KNDC1: variants seen among roughly 807,000 people sequenced by gnomAD.
The protein encoded by KNDC1 is kinase non-catalytic C-lobe domain containing 1.
In KNDC1, 106 loss-of-function variants were observed where a neutral mutation model predicts 172.8. The ratio of observed to expected loss-of-function variants is 0.61; its 90% CI spans 0.52 to 0.72. KNDC1 has a LOEUF of 0.72. Ranked by LOEUF, KNDC1 falls within the 30% of genes least tolerant of loss-of-function variation. The pLI, the probability that KNDC1 is intolerant of heterozygous loss-of-function variation, is 0.00. For synonymous variants in KNDC1, 1,083 were observed against 1,062.2 expected (o/e 1.02, Z -0.38); for missense variants, 2,325 against 2,394.5 (o/e 0.97, Z 0.61).
rs750330901 is a variant in KNDC1 at position 133,199,027 on chromosome 10, C to T, written c.2519C>T (p.Pro840Leu). 101 of 1,575,282 alleles carry T rather than the reference C, an allele frequency of 6.4e-5. No individual in the cohort carries two copies. Among genetic ancestry groups the T allele is most frequent in the African/African-American group, 2.8e-4 (21 of 74,036 alleles). Residue 840 changes from proline to leucine, a missense_variant, in exon 14 of 30, where the codon CCG becomes CTG. Pro to Leu is a moderately conservative substitution (Grantham distance 98, BLOSUM62 -3). Coordinates refer to ENST00000304613, the MANE Select transcript of KNDC1 (RefSeq NM_152643.8). ...KPPRSKATERPGQEPEGPGAT... is the reference protein window; with the variant it reads ...KPPRSKATERLGQEPEGPGAT... Reference sequence around the variant, plus strand: ...CCACGAAGCAAGGCCACCGAGCGCCCGGGCCAGGAGCCAGAGGGCCCCGGG... The same window carrying T: ...CCACGAAGCAAGGCCACCGAGCGCCTGGGCCAGGAGCCAGAGGGCCCCGGG...
In KNDC1 at chr10:133,188,610, C is replaced by T. The variant is rs761006147; in HGVS notation, c.1398C>T (p.Cys466=). ...GGGAGTACGAGCTGTGGGCCCTGTG[C>T]CTGGCCTGCCTCCGCGCACTGCAGA... ...PFREYELWAL[C]LACLRALQTR... Residue 466 remains cysteine, a synonymous_variant, in exon 7 of 30, where the codon TGC becomes TGT. Transcript: ENST00000304613. 9 of 1,598,344 alleles carry T rather than the reference C, an allele frequency of 5.6e-6. No homozygotes were observed. The highest frequency in any genetic ancestry group is 4.5e-5 in the East Asian group (2 of 44,408).
intron 5 of KNDC1, 100 bp downstream of exon 5, chr10:133,184,089 C>A: frequency 1.6e-6 from 1 of 628,030 alleles, no homozygotes; most frequent in South Asian, 2.2e-5. Context: ...TGCACACACA[C>A]ACACTGCACA....
intron 17 of KNDC1, chr10:133,202,174 T>G: frequency 1.5e-6 from 1 of 682,450 alleles, no homozygotes; most frequent in Non-Finnish European, 2.7e-6. Context: ...GCCCGGGCGA[T>G]GGGTTCACAG....
chr10:133,212,121 C>T (rs940185561), intron 23 of KNDC1, among the ~76,000 whole-genome samples: 3 of 152,146 alleles, frequency 2.0e-5, no homozygotes, highest in Non-Finnish European at 4.4e-5. Flanking sequence ...TCAATCCACA[C>T]GTGCACACGC....
At chr10:133,175,535 GTTGGGTGGAGGATAGATGAGTAGATGC>G (rs1853509016) in intron 3 of KNDC1, among the ~76,000 whole-genome samples, 1 of 151,620 alleles carries the variant, frequency 6.6e-6, no homozygotes, top group Non-Finnish European at 1.5e-5. Flanking sequence ...TGGGTGGATG[GTTGGGTGGAGGATAGATGAGTAGATGC>G]ATGGGTGAGT....
At chr10:133,187,869 C>T (rs1168772127) in intron 6 of KNDC1, among the ~76,000 whole-genome samples, 1 of 151,930 alleles carries the variant, frequency 6.6e-6, no homozygotes, top group Non-Finnish European at 1.5e-5. Flanking sequence ...TCAGCCCACA[C>T]GAAACCCCAA....
chr10:133,219,827 C>G, intron 28 of KNDC1, 128 bp from the exon 29 acceptor site: 2 of 900,294 alleles, frequency 2.2e-6, no homozygotes, highest in Non-Finnish European at 3.2e-6. Flanking sequence ...TTCAGAGAGC[C>G]GGGTAGACCC....
At chr10:133,182,191 C>T (rs895331069) in intron 3 of KNDC1, among the ~76,000 whole-genome samples, 1 of 152,150 alleles carries the variant, frequency 6.6e-6, no homozygotes, top group African/African-American at 2.4e-5. Flanking sequence ...CTGGATGCTC[C>T]GCTGGTCACC....
intron 26 of KNDC1, among the ~76,000 whole-genome samples, chr10:133,215,508 G>A (rs1845453254): frequency 6.6e-6 from 1 of 152,262 alleles, no homozygotes; most frequent in South Asian, 2.1e-4. Context: ...AGGGAGCCTG[G>A]TTGCCTCTTT....
chr10:133,219,655 C>T (rs1314343138), intron 28 of KNDC1, among the ~76,000 whole-genome samples: 1 of 152,212 alleles, frequency 6.6e-6, no homozygotes, highest in African/African-American at 2.4e-5. Flanking sequence ...GCTGGGTTAC[C>T]TGGCACTTCC....
intron 17 of KNDC1, among the ~76,000 whole-genome samples, chr10:133,204,896 C>A (rs541124785): frequency 3.3e-5 from 5 of 151,938 alleles, no homozygotes; most frequent in Admixed American, 2.0e-4. Flanking sequence ...CTCACCTCTG[C>A]CCCCAGCCAG....
chr10:133,213,151 C>T (rs924980425), intron 24 of KNDC1, among the ~76,000 whole-genome samples: 1 of 152,212 alleles, frequency 6.6e-6, no homozygotes, highest in Non-Finnish European at 1.5e-5. Context: ...GACCACTGCC[C>T]GCTGGGCCTG....
At chr10:133,199,867 C>T (rs9419022) in intron 15 of KNDC1, among the ~76,000 whole-genome samples, 58,202 of 152,006 alleles carry the variant, frequency 0.38, 12,763 homozygotes, top group East Asian at 0.62. Context: ...GGCAGGGGCT[C>T]TCCGGGAGGC....
intron 9 of KNDC1, among the ~76,000 whole-genome samples, chr10:133,191,855 G>T (rs1372888627): frequency 6.6e-6 from 1 of 152,226 alleles, no homozygotes; most frequent in African/African-American, 2.4e-5. Flanking sequence ...CTGGAGCCTG[G>T]ACTCATCTTT....
At chr10:133,221,530 T>G (rs986047608) in intron 29 of KNDC1, among the ~76,000 whole-genome samples, 2 of 151,990 alleles carry the variant, frequency 1.3e-5, no homozygotes, top group Non-Finnish European at 1.5e-5. Flanking sequence ...CCGTCTCATC[T>G]CATCGCCTGC....
rs770243792 is a variant in KNDC1 at position 133,199,119 on chromosome 10, G to T, written c.2611G>T (p.Asp871Tyr). 3.1e-6 allele frequency: 5 copies of T among 1,607,894 alleles called. No individual in the cohort carries two copies. The highest frequency in any genetic ancestry group is 4.2e-6 in the Non-Finnish European group (5 of 1,178,008). ...DSVPERPRPADRRLCLPCVDA... is the reference protein window; with the variant it reads ...DSVPERPRPAYRRLCLPCVDA... Reference sequence around the variant, plus strand: ...TGTCCCAGAGAGGCCGCGGCCCGCAGACCGGAGGCTCTGTCTGCCCTGCGT... The same window carrying T: ...TGTCCCAGAGAGGCCGCGGCCCGCATACCGGAGGCTCTGTCTGCCCTGCGT... The change falls in exon 14 of 30, where the codon GAC becomes TAC. Residue 871 changes from aspartate (D) to tyrosine (Y), a missense_variant. Asp to Tyr is a radical substitution (Grantham distance 160). Transcript: ENST00000304613.
intron 24 of KNDC1, 37 bp downstream of exon 24, chr10:133,212,959 G>A (rs370024747): frequency 1.5e-4 from 236 of 1,573,436 alleles, no homozygotes; most frequent in Non-Finnish European, 2.0e-4. Flanking sequence ...GGTCACCTGC[G>A]AGTCGGGGCC....
chr10:133,210,871 C>G, intron 21 of KNDC1, 147 bp downstream of exon 21: 1 of 726,558 alleles, frequency 1.4e-6, no homozygotes, highest in Non-Finnish European at 2.5e-6. Context: ...GCTGGAGGTC[C>G]GGCTGGAGGT....
intron 26 of KNDC1, among the ~76,000 whole-genome samples, chr10:133,218,378 C>G (rs917399800): frequency 6.6e-6 from 1 of 152,232 alleles, no homozygotes; most frequent in Non-Finnish European, 1.5e-5. Context: ...CAGGCACCCA[C>G]CCCGGACTGC....
Sources: gnomAD v4.1 joint callset for allele counts (sites outside exome capture counted in the v4.1 genomes callset) on GRCh38, gnomAD v4.1.1 for gene constraint, MANE v1.5 for transcripts, NCBI Gene and HGNC (gene_info 2026-07-23, HGNC 2026-07-21) for gene names.